Variants in SORD observed in about 807,000 individuals in gnomAD.
SORD encodes (R,R)-butanediol dehydrogenase.
In SORD, 18 loss-of-function variants were observed where a neutral mutation model predicts 35.6. The observed-to-expected ratio is 0.51, with a 90% CI of 0.35 to 0.75. SORD has a LOEUF of 0.75. SORD is among the 30% of genes least tolerant of loss of function. The pLI is 0.01. For synonymous variants in SORD, 106 were observed against 152.9 expected (o/e 0.69, Z 2.26); for missense variants, 250 against 390.2 (o/e 0.64, Z 3.03).
At position 45,073,592 on chromosome 15, in the gene SORD, T is replaced by G. The variant is rs1042112; in HGVS notation, c.*62T>G. The stretch of plus-strand genomic sequence containing the variant: ...GATCTCAGGGCACAATGGCTGGACA[T>G]GGGTGGGCTCTGATGCAGAACTTTC... On this transcript the variant is annotated 3_prime_UTR_variant, in exon 9 of 9. Transcript: ENST00000267814. 64,094 of 1,541,746 alleles carry G rather than the reference T, an allele frequency of 0.042. 1,549 individuals are homozygous for G. Among genetic ancestry groups the G allele is most frequent in the African/African-American group, 0.092 (5,838 of 63,426 alleles).
chr15:45,052,976 A>C (rs532354325), intron 3 of SORD, among the ~76,000 whole-genome samples: 1 of 152,336 alleles, frequency 6.6e-6, no homozygotes, highest in Non-Finnish European at 1.5e-5. Context: ...AACAAAAGAC[A>C]GAAGGTGCTG....
intron 1 of SORD, among the ~76,000 whole-genome samples, chr15:45,024,253 T>C (rs993765993): frequency 1.8e-4 from 27 of 152,256 alleles, no homozygotes; most frequent in Non-Finnish European, 3.4e-4. Context: ...CCTGTACCTC[T>C]TTTCCCTCAA....
Position 45,065,208 on chromosome 15 carries a change from A to G in SORD, c.426-63A>G, listed in dbSNP as rs1595507827. 14 of 1,352,752 alleles carry G rather than the reference A, an allele frequency of 1.0e-5. No individual in the cohort carries two copies. In the East Asian group the frequency reaches 1.2e-4, roughly 11 times the overall value. The allele number at this position is 1,352,752 out of a possible 1,614,324, so 83.8% of individuals were successfully genotyped here. A position where few individuals can be genotyped will look rare whatever the true frequency, so the allele number is the denominator to read the frequency against. On this transcript the variant is annotated intron_variant, in intron 4 of 8. Transcript: ENST00000267814. ...GTTATTACAGTGACATTGGGCATAT[A>G]TAATACTATTGTTAGCATTGTAGTT...
At chr15:45,036,768 T>G (rs1233808513) in intron 1 of SORD, among the ~76,000 whole-genome samples, 1 of 151,872 alleles carries the variant, frequency 6.6e-6, no homozygotes, top group Non-Finnish European at 1.5e-5. Flanking sequence ...TTAATATGAT[T>G]GAGATGACAA....
chr15:45,044,841 A>T (rs1001099559), intron 3 of SORD, among the ~76,000 whole-genome samples: 2 of 151,680 alleles, frequency 1.3e-5, no homozygotes, highest in Non-Finnish European at 2.9e-5. Context: ...GGGATTACAG[A>T]CATGCAGCAC....
chr15:45,023,449 C>G lies in SORD; in HGVS notation c.66+100C>G, dbSNP rs1892621688. On this transcript the variant is annotated intron_variant, in intron 1 of 8. Transcript: ENST00000267814. ...TCCCACTTCCAGCCTGGCGCCGGCCCCGCACCTTAAGCGCCCTGGCTGCCC... is the reference window on the plus strand; with the variant it reads ...TCCCACTTCCAGCCTGGCGCCGGCCGCGCACCTTAAGCGCCCTGGCTGCCC... 4 of 1,112,510 alleles carry G rather than the reference C, an allele frequency of 3.6e-6. No individual in the cohort carries two copies. In the Admixed American group the frequency reaches 1.1e-4, roughly 31 times the overall value. The allele number at this position is 1,112,510 out of a possible 1,614,324, so 68.9% of individuals were successfully genotyped here. A position where few individuals can be genotyped will look rare whatever the true frequency, so the allele number is the denominator to read the frequency against.
intron 3 of SORD, among the ~76,000 whole-genome samples, chr15:45,045,544 C>CAAAAAA (rs58487905): frequency 1.6e-5 from 1 of 62,806 alleles, no homozygotes; most frequent in Admixed American, 2.3e-4. Flanking sequence ...GACTCCATCT[C>CAAAAAA]AAAAAAAAAA....
At chr15:45,067,536 A>C (rs1893426267) in intron 5 of SORD, among the ~76,000 whole-genome samples, 1 of 151,746 alleles carries the variant, frequency 6.6e-6, no homozygotes, top group South Asian at 2.1e-4. Flanking sequence ...CAAAAAGTAA[A>C]CCCCCAAAGA....
At chr15:45,024,153 A>T (rs1465529577) in intron 1 of SORD, among the ~76,000 whole-genome samples, 1 of 152,154 alleles carries the variant, frequency 6.6e-6, no homozygotes, top group East Asian at 1.9e-4. Flanking sequence ...CAGCCTAGTC[A>T]TGCCAAGCCT....
intron 1 of SORD, among the ~76,000 whole-genome samples, chr15:45,031,158 A>C (rs76884221): frequency 0.21 from 31,196 of 150,682 alleles, 5 homozygotes; most frequent in African/African-American, 0.44. Flanking sequence ...TCTCTACAAA[A>C]AATGTAAAAA....
chr15:45,039,318 G>T (rs981801099), intron 1 of SORD, among the ~76,000 whole-genome samples: 1 of 152,110 alleles, frequency 6.6e-6, no homozygotes, highest in East Asian at 1.9e-4. Flanking sequence ...TGGTAGAGAT[G>T]GGTGTCACCA....
At position 45,073,833 on chromosome 15, in the gene SORD, A is replaced by G. The variant is rs1325684340; in HGVS notation, c.*303A>G. On this transcript the variant is annotated 3_prime_UTR_variant, in exon 9 of 9. Transcript: ENST00000267814. ...CTTCCTGGAGTGCCTTCATTGAGGA[A>G]GGAAATCTGGCCCTTGGGTTTCCTG... 1 of 130,408 alleles carries G rather than the reference A, an allele frequency of 7.7e-6. No individual in the cohort carries two copies. The highest frequency in any genetic ancestry group is 1.5e-5 in the Non-Finnish European group (1 of 64,540). The allele number at this position is 130,408 out of a possible 1,614,324, so 8.1% of individuals were successfully genotyped here.
intron 1 of SORD, among the ~76,000 whole-genome samples, chr15:45,039,422 C>T (rs1404700396): frequency 6.6e-6 from 1 of 152,194 alleles, no homozygotes; most frequent in Non-Finnish European, 1.5e-5. Flanking sequence ...GACACTGTGC[C>T]CGGGTACATC....
At chr15:45,029,145 G>T (rs1376626094) in intron 1 of SORD, among the ~76,000 whole-genome samples, 2 of 152,230 alleles carry the variant, frequency 1.3e-5, no homozygotes, top group African/African-American at 4.8e-5. Flanking sequence ...GTAGCCCAAA[G>T]AACCATCTTT....
intron 3 of SORD, among the ~76,000 whole-genome samples, chr15:45,051,245 T>A (rs184996411): frequency 2.0e-5 from 3 of 152,250 alleles, no homozygotes; most frequent in Admixed American, 6.5e-5. Flanking sequence ...TTATGATTGA[T>A]AGCAAATACT....
intron 2 of SORD, chr15:45,042,616 A>G (rs1892986038): frequency 6.5e-6 from 1 of 152,928 alleles, no homozygotes; most frequent in Admixed American, 6.5e-5. Flanking sequence ...CTTTTCTCAT[A>G]AATAGATACG....
intron 1 of SORD, among the ~76,000 whole-genome samples, chr15:45,036,763 A>AT (rs1892875344): frequency 6.6e-6 from 1 of 152,206 alleles, no homozygotes. Context: ...AACCTTTAAT[A>AT]TGATTGAGAT....
chr15:45,039,135 C>CTT (rs60032579), intron 1 of SORD, among the ~76,000 whole-genome samples: 8 of 147,540 alleles, frequency 5.4e-5, no homozygotes, highest in South Asian at 2.1e-4. Flanking sequence ...CTCTCTCTTC[C>CTT]TTTTTTTTTT....
In SORD at chr15:45,064,994, G is replaced by T. The variant is rs1045567686; in HGVS notation, c.426-277G>T. 1.4e-4 allele frequency among the ~76,000 whole-genome samples: 22 copies of T among 152,252 alleles called. 1 individual carries two copies. The highest frequency in any genetic ancestry group is 1.4e-3 in the Admixed American group (22 of 15,294). ...CTGTCTTCTAATTTGAACCCTTTGG[G>T]CCCCTCACTAGCTTTGGATGGTTGG... On this transcript the variant is annotated intron_variant, in intron 4 of 8. Coordinates refer to ENST00000267814, the MANE Select transcript of SORD (RefSeq NM_003104.6).
Sources: allele counts gnomAD v4.1 joint callset (sites outside exome capture counted in the v4.1 genomes callset), GRCh38; gene constraint gnomAD v4.1.1; transcripts MANE v1.5; gene names NCBI Gene and HGNC (gene_info 2026-07-23, HGNC 2026-07-21).